GRIN2A: variants seen among roughly 807,000 people sequenced by gnomAD.
GRIN2A encodes the protein glutamate ionotropic receptor NMDA type subunit 2A, also known as glutamate receptor ionotropic, NMDA 2A.
A neutral mutation model predicts 113.4 loss-of-function variants in GRIN2A; 22 were observed. The ratio of observed to expected loss-of-function variants is 0.19; its 90% CI spans 0.14 to 0.28. The LOEUF is 0.28. Ranked by LOEUF, GRIN2A falls within the 10% of genes least tolerant of loss-of-function variation. GRIN2A has a pLI of 1.00. For missense variants in GRIN2A, 1,502 were observed against 1,887.0 expected (o/e 0.80, Z 3.78); for synonymous variants, 827 against 738.4 (o/e 1.12, Z -1.94).
At chr16:10,147,736 C>T (rs540031070) in intron 2 of GRIN2A, among the ~76,000 whole-genome samples, 12 of 152,186 alleles carry the variant, frequency 7.9e-5, no homozygotes, top group Admixed American at 7.2e-4. Context: ...ATAGCTTCTA[C>T]CTTAAAAACA....
intron 2 of GRIN2A, among the ~76,000 whole-genome samples, chr16:9,986,284 G>A (rs1322949101): frequency 6.6e-6 from 1 of 152,026 alleles, no homozygotes; most frequent in Non-Finnish European, 1.5e-5. Flanking sequence ...TATGACGTTA[G>A]GTGAATAATA....
chr16:9,769,217 G>T, intron 11 of GRIN2A, 128 bp from the exon 12 acceptor site: 1 of 757,166 alleles, frequency 1.3e-6, no homozygotes, highest in Non-Finnish European at 2.3e-6. Context: ...TTCTGAGTTT[G>T]CTGGGTTTCC....
chr16:9,994,680 G>C (rs150655915), intron 2 of GRIN2A, among the ~76,000 whole-genome samples: 2 of 152,320 alleles, frequency 1.3e-5, no homozygotes, highest in Non-Finnish European at 2.9e-5. Flanking sequence ...GAAACCACCA[G>C]GCATAGCATT....
chr16:9,996,805 T>C (rs557273851), intron 2 of GRIN2A, among the ~76,000 whole-genome samples: 1 of 152,130 alleles, frequency 6.6e-6, no homozygotes, highest in South Asian at 2.1e-4. Flanking sequence ...TGAATAGGGG[T>C]GGGGATTTCA....
chr16:10,073,761 A>T (rs1337010407), intron 2 of GRIN2A, among the ~76,000 whole-genome samples: 1 of 151,964 alleles, frequency 6.6e-6, no homozygotes, highest in African/African-American at 2.4e-5. Flanking sequence ...GAAAAAAAAA[A>T]AAAATTAGCC....
Position 9,760,737 on chromosome 16 carries a change from A to G in GRIN2A, c.*2412T>C. 4.4e-6 allele frequency: 1 copy of G among 228,962 alleles called. No individual in the cohort carries two copies. The highest frequency in any genetic ancestry group is 8.7e-6 in the Non-Finnish European group (1 of 115,324). 14.2% of individuals were successfully genotyped at this position (228,962 alleles called of 1,614,324 possible). A position where few individuals can be genotyped will look rare whatever the true frequency, so the allele number is the denominator to read the frequency against. ...TAGAGGACACCAGAGGAAGACAGAAAGCCTCTTTGGCTTGACGACAAATCA... is the reference window on the plus strand; with the variant it reads ...TAGAGGACACCAGAGGAAGACAGAAGGCCTCTTTGGCTTGACGACAAATCA... On this transcript the variant is annotated 3_prime_UTR_variant, in exon 13 of 13. Transcript: ENST00000330684.
At chr16:9,872,152 G>T (rs998751337) in intron 4 of GRIN2A, among the ~76,000 whole-genome samples, 1 of 152,132 alleles carries the variant, frequency 6.6e-6, no homozygotes, top group Non-Finnish European at 1.5e-5. Context: ...CAAGGGGTGG[G>T]TATTATCATT....
intron 2 of GRIN2A, among the ~76,000 whole-genome samples, chr16:9,962,118 G>A (rs1442321197): frequency 6.6e-6 from 1 of 152,072 alleles, no homozygotes; most frequent in Non-Finnish European, 1.5e-5. Flanking sequence ...AATCCAAGAT[G>A]GATTAAAGAC....
intron 2 of GRIN2A, among the ~76,000 whole-genome samples, chr16:9,940,259 TG>T (rs1410918742): frequency 6.6e-6 from 1 of 152,126 alleles, no homozygotes; most frequent in Non-Finnish European, 1.5e-5. Context: ...TGCATGGGTT[TG>T]GGGGATAATT....
chr16:9,831,824 T>C (rs902629753), intron 8 of GRIN2A, among the ~76,000 whole-genome samples: 2 of 152,100 alleles, frequency 1.3e-5, no homozygotes, highest in African/African-American at 2.4e-5. Context: ...CCTCCCTCCA[T>C]TGTATTTTGA....
rs1302220183 is a variant in GRIN2A at position 9,764,945 on chromosome 16, T to C, written c.2599A>G (p.Ile867Val). Reference protein sequence around the residue: ...PGLLFSISRGIYSCIHGVHIE... With the variant: ...PGLLFSISRGVYSCIHGVHIE... ...TGCACTCCATGAATGCAGCTGTAGA[T>C]GCCCTGTAGGGGAGCAACATAAAGC... The change falls in exon 13 of 13, where the codon ATC (isoleucine) becomes GTC (valine). Residue 867 changes from isoleucine to valine, a missense_variant. Transcript: ENST00000330684. 1 of 1,614,140 alleles carries C rather than the reference T, an allele frequency of 6.2e-7. No homozygotes were observed. The highest frequency in any genetic ancestry group is 2.2e-5 in the East Asian group (1 of 44,878).
chr16:9,877,652 C>CT (rs1237808763), intron 4 of GRIN2A, among the ~76,000 whole-genome samples: 6 of 126,832 alleles, frequency 4.7e-5, no homozygotes, highest in Admixed American at 3.3e-4. Context: ...CTCTCTCCCT[C>CT]TCCCCCCTCT....
intron 3 of GRIN2A, among the ~76,000 whole-genome samples, chr16:9,931,462 C>T (rs759931920): frequency 2.6e-5 from 4 of 151,900 alleles, no homozygotes; most frequent in Non-Finnish European, 5.9e-5. Flanking sequence ...ACACACGCAC[C>T]CTCTTTAGGA....
chr16:10,072,731 T>A (rs1201807400), intron 2 of GRIN2A, among the ~76,000 whole-genome samples: 2 of 152,146 alleles, frequency 1.3e-5, no homozygotes, highest in African/African-American at 4.8e-5. Context: ...CTAGGCTCTA[T>A]CCCTAAATTT....
intron 2 of GRIN2A, among the ~76,000 whole-genome samples, chr16:10,054,774 G>A (rs78746863): frequency 0.11 from 17,282 of 151,830 alleles, 1,183 homozygotes; most frequent in African/African-American, 0.18. Flanking sequence ...TGGGCCAGGC[G>A]CAGTGGCTTA....
intron 11 of GRIN2A, among the ~76,000 whole-genome samples, chr16:9,795,615 G>A (rs1902934546): frequency 6.6e-6 from 1 of 152,168 alleles, no homozygotes; most frequent in Non-Finnish European, 1.5e-5. Flanking sequence ...CTACAATGGT[G>A]ATGGCTAACA....
In GRIN2A at chr16:10,180,350, G is replaced by A. The variant is rs749314552; in HGVS notation, c.62C>T (p.Pro21Leu). 5.0e-6 allele frequency: 8 copies of A among 1,608,276 alleles called. No homozygotes were observed. Among genetic ancestry groups the A allele is most frequent in the Non-Finnish European group, 6.8e-6 (8 of 1,179,868 alleles). Residue 21 changes from proline (P) to leucine (L), a missense_variant, in exon 2 of 13, where the codon CCG becomes CTG. Around this residue, in one of 7 missense-constraint regions of GRIN2A, gnomAD observed 149 missense variants for 179.1 expected, o/e 0.83. Coordinates refer to ENST00000330684, the MANE Select transcript of GRIN2A (RefSeq NM_001134407.3). The surrounding 1 kb of genome is among the most constrained non-coding windows in gnomAD (Gnocchi z 7.0). ...CTTCTCCGCCGCCGCGCTCGGCGCCGGACCGCGCCAGACCAGAAGGGCCGG... is the reference window on the plus strand; with the variant it reads ...CTTCTCCGCCGCCGCGCTCGGCGCCAGACCGCGCCAGACCAGAAGGGCCGG... ...VLPALLVWRG[P>L]APSAAAEKGP...
rs2043841418 is a variant in GRIN2A at position 9,898,053 on chromosome 16, C to CT, written c.1008-6954_1008-6953insA. Among the ~76,000 whole-genome samples, 392 of 85,156 alleles carry CT rather than the reference C, an allele frequency of 4.6e-3. 2 individuals carry two copies. The highest frequency in any genetic ancestry group is 0.013 in the African/African-American group (366 of 27,972). 55.9% of individuals were successfully genotyped at this position (85,156 alleles called of 152,430 possible). A position where few individuals can be genotyped will look rare whatever the true frequency, so the allele number is the denominator to read the frequency against. ...TTTAAAATCTACTGAGCCTCCATTT[C>CT]CTTTTTTTTTTTTTTTTTTTTTGCA... On this transcript the variant is annotated intron_variant, in intron 3 of 12. Transcript: ENST00000330684.
At chr16:10,101,141 C>A (rs564952984) in intron 2 of GRIN2A, among the ~76,000 whole-genome samples, 1 of 152,348 alleles carries the variant, frequency 6.6e-6, no homozygotes, top group African/African-American at 2.4e-5. Flanking sequence ...CTTTCATGGG[C>A]AACCTCTTCT....
Sources: allele counts gnomAD v4.1 joint callset (sites outside exome capture counted in the v4.1 genomes callset), GRCh38; gene constraint gnomAD v4.1.1; regional missense constraint gnomAD v4.1.1; non-coding constraint Gnocchi (gnomAD v3.1); transcripts MANE v1.5; gene names NCBI Gene and HGNC (gene_info 2026-07-23, HGNC 2026-07-21).